The following CACNA2D1 variants were observed in gnomAD, a reference collection of about 807,000 sequenced individuals.
The protein encoded by CACNA2D1 is calcium voltage-gated channel auxiliary subunit alpha2delta 1, also known as voltage-dependent calcium channel subunit alpha-2/delta-1.
A neutral mutation model predicts 171.5 loss-of-function variants in CACNA2D1; 53 were observed. The observed-to-expected ratio is 0.31, with a 90% CI of 0.25 to 0.39. The LOEUF is 0.39. Among genes scored for constraint, CACNA2D1 ranks in the 10% least tolerant of loss-of-function variants. The pLI, the probability that CACNA2D1 is intolerant of heterozygous loss-of-function variation, is 1.00. For missense variants in CACNA2D1, 903 were observed against 1,299.8 expected (o/e 0.69, Z 4.69); for synonymous variants, 442 against 443.1 (o/e 1.00, Z 0.03).
At chr7:82,102,297 T>A (rs559469244) in intron 6 of CACNA2D1, among the ~76,000 whole-genome samples, 2 of 151,982 alleles carry the variant, frequency 1.3e-5, no homozygotes, top group South Asian at 4.2e-4. Flanking sequence ...TTTTGAAACA[T>A]CTTGGGGAAA....
upstream of CACNA2D1, chr7:82,443,816 G>T: frequency 1.3e-6 from 1 of 795,886 alleles, no homozygotes; most frequent in Non-Finnish European, 1.7e-6. Flanking sequence ...TCCCCCGATT[G>T]CCGAGGCGAA....
intron 7 of CACNA2D1, among the ~76,000 whole-genome samples, chr7:82,082,935 A>T (rs903434185): frequency 1.4e-4 from 21 of 152,112 alleles, no homozygotes; most frequent in African/African-American, 4.8e-4. Context: ...GCTATTTGTT[A>T]AAAGAGCCAT....
chr7:81,978,818 ATATT>A (rs1172067928), intron 24 of CACNA2D1, among the ~76,000 whole-genome samples: 1,215 of 22,122 alleles, frequency 0.055, 8 homozygotes, highest in African/African-American at 0.098. Flanking sequence ...ATATATATAT[ATATT>A]TATTTATTTA....
At chr7:82,053,288 A>G (rs1382668971) in intron 10 of CACNA2D1, among the ~76,000 whole-genome samples, 1 of 151,820 alleles carries the variant, frequency 6.6e-6, no homozygotes, top group Admixed American at 6.6e-5. Context: ...TTACCTATCA[A>G]TTATGATTAA....
At chr7:82,117,231 C>A in intron 5 of CACNA2D1, 58 bp from the exon 6 acceptor site, 1 of 1,528,814 alleles carries the variant, frequency 6.5e-7, no homozygotes, top group Non-Finnish European at 9.0e-7. Context: ...AATATTTTCA[C>A]ATGCACTTCT....
chr7:82,319,766 A>T (rs1815585798), intron 3 of CACNA2D1, among the ~76,000 whole-genome samples: 2 of 152,218 alleles, frequency 1.3e-5, no homozygotes, highest in South Asian at 4.1e-4. Context: ...TTCACAATAG[A>T]CCAACATTTA....
chr7:82,154,724 T>C (rs926212491), intron 4 of CACNA2D1, among the ~76,000 whole-genome samples: 2 of 152,172 alleles, frequency 1.3e-5, no homozygotes, highest in Non-Finnish European at 1.5e-5. Flanking sequence ...TGTTTTCAGA[T>C]TGTATAAATC....
At chr7:82,106,266 A>T (rs1259041328) in intron 6 of CACNA2D1, among the ~76,000 whole-genome samples, 4 of 152,090 alleles carry the variant, frequency 2.6e-5, no homozygotes, top group Non-Finnish European at 5.9e-5. Context: ...AAAAATCCTC[A>T]TCTCAAATTC....
At chr7:82,289,973 C>T (rs550423694) in intron 3 of CACNA2D1, among the ~76,000 whole-genome samples, 51 of 152,316 alleles carry the variant, frequency 3.3e-4, no homozygotes, top group Middle Eastern at 3.4e-3. Context: ...TAAAGTAGAA[C>T]CTACATTACT....
At chr7:82,403,733 A>G (rs925357228) in intron 1 of CACNA2D1, among the ~76,000 whole-genome samples, 2 of 152,188 alleles carry the variant, frequency 1.3e-5, no homozygotes, top group Admixed American at 1.3e-4. Flanking sequence ...ATACTACATC[A>G]TGGGGGAAGA....
At chr7:82,269,339 G>A (rs1358084908) in intron 3 of CACNA2D1, among the ~76,000 whole-genome samples, 2 of 152,030 alleles carry the variant, frequency 1.3e-5, no homozygotes, top group Non-Finnish European at 2.9e-5. Context: ...TTCAAATCCA[G>A]ATGTGCCCAC....
At chr7:82,432,702 A>AAAACTTC (rs1829795598) in intron 1 of CACNA2D1, among the ~76,000 whole-genome samples, 1 of 152,206 alleles carries the variant, frequency 6.6e-6, no homozygotes, top group Admixed American at 6.5e-5. Context: ...TGTTTCGACC[A>AAAACTTC]AAACTTCTCC....
intron 1 of CACNA2D1, among the ~76,000 whole-genome samples, chr7:82,382,209 T>G (rs1447814810): frequency 6.6e-6 from 1 of 152,200 alleles, no homozygotes; most frequent in Non-Finnish European, 1.5e-5. Flanking sequence ...TCTTTTCAAT[T>G]TAAGGAAATT....
chr7:82,067,813 T>A (rs1010882005), intron 7 of CACNA2D1, among the ~76,000 whole-genome samples: 29 of 152,152 alleles, frequency 1.9e-4, no homozygotes. Context: ...CTCTATGATA[T>A]CTGACTCTCC....
At chr7:82,141,698 T>C (rs1012592488) in intron 4 of CACNA2D1, among the ~76,000 whole-genome samples, 2 of 152,232 alleles carry the variant, frequency 1.3e-5, no homozygotes, top group African/African-American at 4.8e-5. Flanking sequence ...TATCTCATTA[T>C]GGTTGGATGA....
chr7:82,332,942 T>C (rs1325866507), intron 3 of CACNA2D1, among the ~76,000 whole-genome samples: 1 of 152,178 alleles, frequency 6.6e-6, no homozygotes, highest in Non-Finnish European at 1.5e-5. Flanking sequence ...GAGGCTGCAG[T>C]AAGCAGTGAT....
rs370473132 is a variant in CACNA2D1 at position 82,069,626 on chromosome 7, C to T, written c.659-3102G>A. ...TGCATTAACTCAGAATACTGATATA[C>T]GTAATAGGAAAATATTCTTGAGAAA... On this transcript the variant is annotated intron_variant, in intron 7 of 38. Coordinates refer to ENST00000356860, the MANE Select transcript of CACNA2D1 (RefSeq NM_000722.4). Among the ~76,000 whole-genome samples the T allele has an allele frequency of 6.4e-4, 98 of 152,068 alleles. 1 individual carries two copies. The highest frequency in any genetic ancestry group is 2.1e-3 in the African/African-American group (87 of 41,516).
At chr7:82,317,376 G>A (rs561727557) in intron 3 of CACNA2D1, among the ~76,000 whole-genome samples, 31 of 152,236 alleles carry the variant, frequency 2.0e-4, no homozygotes, top group African/African-American at 4.8e-4. Flanking sequence ...GTGTGTGTAC[G>A]GCTGAGAGGA....
chr7:82,084,410 T>C (rs1231142263), intron 7 of CACNA2D1, among the ~76,000 whole-genome samples: 1 of 152,230 alleles, frequency 6.6e-6, no homozygotes, highest in Non-Finnish European at 1.5e-5. Context: ...AAAAATTCAA[T>C]TCAATTCTCT....
Sources: gnomAD v4.1 joint callset for allele counts (sites outside exome capture counted in the v4.1 genomes callset) on GRCh38, gnomAD v4.1.1 for gene constraint, MANE v1.5 for transcripts, NCBI Gene and HGNC (gene_info 2026-07-23, HGNC 2026-07-21) for gene names.